The following NLRC3 variants were observed in gnomAD, a reference collection of about 807,000 sequenced individuals.
The protein encoded by NLRC3 is NLR family CARD domain containing 3.
NLRC3 carries 87 observed loss-of-function variants against 91.6 expected under a neutral mutation model. The observed-to-expected ratio is 0.95, with a 90% confidence interval of 0.80 to 1.14. The LOEUF (loss-of-function observed/expected upper bound fraction) is 1.14. Ranked by LOEUF, NLRC3 falls within the 50% of genes most tolerant of loss-of-function variation. The pLI is 0.00. For missense variants in NLRC3, 1,577 were observed against 1,418.6 expected (o/e 1.11, Z -1.79); for synonymous variants, 694 against 625.3 (o/e 1.11, Z -1.64).
intron 9 of NLRC3, among the ~76,000 whole-genome samples, chr16:3,553,318 T>G (rs529283890): frequency 6.6e-6 from 1 of 152,314 alleles, no homozygotes; most frequent in African/African-American, 2.4e-5. Flanking sequence ...TTTGGAGCCA[T>G]CTCTTTGAAA....
At chr16:3,551,721 GTTCA>G (rs1431943424) in intron 10 of NLRC3, among the ~76,000 whole-genome samples, 1 of 93,540 alleles carries the variant, frequency 1.1e-5, no homozygotes, top group Non-Finnish European at 2.0e-5. Context: ...TCATCTACTC[GTTCA>G]TTCAACCATC....
Position 3,564,761 on chromosome 16 carries a change from G to A in NLRC3, c.179-3C>T, listed in dbSNP as rs2039798791. 1.3e-6 allele frequency: 2 copies of A among 1,573,554 alleles called. No individual in the cohort carries two copies. Among genetic ancestry groups the A allele is most frequent in the African/African-American group, 2.7e-5 (2 of 74,456 alleles). ...GCGGTGCCTCTGTATCCTTGAGTCT[G>A]CGGGACAGAGGCCAGTGGGGAGGTC... On this transcript the variant is annotated splice_polypyrimidine_tract_variant and splice_region_variant and intron_variant, in intron 4 of 19. Coordinates refer to ENST00000359128, the MANE Select transcript of NLRC3 (RefSeq NM_178844.4). The surrounding 1 kb of genome is among the most constrained non-coding windows in gnomAD (Gnocchi z 5.9).
intron 5 of NLRC3, 78 bp from the exon 6 acceptor site, chr16:3,561,866 C>T (rs892132750): frequency 1.2e-5 from 11 of 954,166 alleles, no homozygotes; most frequent in Non-Finnish European, 1.5e-5. Context: ...GGGCCTCTGC[C>T]TCTCTCCATC....
intron 11 of NLRC3, among the ~76,000 whole-genome samples, 200 bp from the exon 12 acceptor site, chr16:3,549,980 T>G (rs1232648860): frequency 1.3e-5 from 2 of 152,032 alleles, no homozygotes; most frequent in African/African-American, 4.8e-5. Flanking sequence ...TCAGGGCAGG[T>G]GGGTTCAGCA....
intron 1 of NLRC3, among the ~76,000 whole-genome samples, chr16:3,568,398 T>C (rs183312983): frequency 6.6e-6 from 1 of 152,248 alleles, no homozygotes; most frequent in Admixed American, 6.5e-5. Context: ...TCTTTTATTC[T>C]TCTAAATGTC....
At position 3,564,990 on chromosome 16, in the gene NLRC3, T is replaced by C. The variant is rs753192126; in HGVS notation, c.47A>G (p.His16Arg). Residue 16 changes from histidine to arginine, a missense_variant, in exon 4 of 20, where the codon CAC becomes CGC. By Grantham distance (29) the His-to-Arg change is conservative. Coordinates refer to ENST00000359128, the MANE Select transcript of NLRC3 (RefSeq NM_178844.4). The surrounding 1 kb of genome is among the most constrained non-coding windows in gnomAD (Gnocchi z 5.9). ...VRTGREAGQG[H>R]GTGSPAEQVK... ...CTGCTCGGCTGGGGAGCCCGTACCG[T>C]GGCCCTGGCCGGCCTCCCTGCCCGT... 8 of 1,610,526 alleles carry C rather than the reference T, an allele frequency of 5.0e-6. No individual in the cohort carries two copies. The highest frequency in any genetic ancestry group is 6.8e-6 in the Non-Finnish European group (8 of 1,179,726).
In NLRC3 at chr16:3,567,771, C is replaced by CAAAAA. The variant is rs774868671; in HGVS notation, c.-168-452_-168-448dup. ...TGGGCAACAGAGCGAGACTCCATCT[C>CAAAAA]AAAAAAAAAAAAAAAAAAAAAAGCT... On this transcript the variant is annotated intron_variant, in intron 1 of 19. Transcript: ENST00000359128. Among the ~76,000 whole-genome samples the CAAAAA allele has an allele frequency of 1.5e-3, 58 of 38,504 alleles. 4 individuals are homozygous for CAAAAA. The highest frequency in any genetic ancestry group is 4.4e-3 in the African/African-American group (45 of 10,230). The allele number at this position is 38,504 out of a possible 152,430, so 25.3% of individuals were successfully genotyped here.
Position 3,563,783 on chromosome 16 carries a change from C to G in NLRC3, c.1154G>C (p.Arg385Pro), listed in dbSNP as rs200982705. The change falls in exon 5 of 20, where the codon CGC (arginine) becomes CCC (proline). Residue 385 changes from arginine (R) to proline (P), a missense_variant. Transcript: ENST00000359128. ...EGQEKGKASP[R>P]IEQVAHGGRK... The stretch of plus-strand genomic sequence containing the variant: ...GCCACCATGGGCCACCTGCTCGATG[C>G]GAGGGCTTGCCTTGCCCTTCTCCTG... 1 of 1,612,408 alleles carries G rather than the reference C, an allele frequency of 6.2e-7. No individual in the cohort carries two copies. Among genetic ancestry groups the G allele is most frequent in the Admixed American group, 1.7e-5 (1 of 59,948 alleles).
chr16:3,556,104 A>G (rs1463767895), intron 8 of NLRC3, among the ~76,000 whole-genome samples: 2 of 150,410 alleles, frequency 1.3e-5, no homozygotes, highest in Non-Finnish European at 3.0e-5. Context: ...CAAGGCAGGC[A>G]GATGGCTTGA....
rs748639792 is a variant in NLRC3 at position 3,541,810 on chromosome 16, A to C, written c.*15T>G. ...AGCTGAGCATCTGCCCATTCTCCTG[A>C]TCCGTCCACCAGGATCACATTTCAA... On this transcript the variant is annotated 3_prime_UTR_variant, in exon 20 of 20. Transcript: ENST00000359128. 6 of 1,567,766 alleles carry C rather than the reference A, an allele frequency of 3.8e-6. No homozygotes were observed. Among genetic ancestry groups the C allele is most frequent in the Non-Finnish European group, 5.3e-6 (6 of 1,139,792 alleles).
rs773187407 is a variant in NLRC3 at position 3,543,401 on chromosome 16, A to G, written c.2939+24T>C. The G allele has an allele frequency of 5.2e-6, 8 of 1,540,032 alleles. No homozygotes were observed. In the Admixed American group the frequency reaches 8.6e-5, roughly 17 times the overall value. Reference sequence around the variant, plus strand: ...CATTGATTTCTTTGGGCTAAAGACCATAGATGGAGACTGGAATACTTACTC... The same window carrying G: ...CATTGATTTCTTTGGGCTAAAGACCGTAGATGGAGACTGGAATACTTACTC... On this transcript the variant is annotated intron_variant, in intron 17 of 19. Coordinates refer to ENST00000359128, the MANE Select transcript of NLRC3 (RefSeq NM_178844.4).
At position 3,577,212 on chromosome 16, in the gene NLRC3, A is replaced by G. The variant is rs551186253; in HGVS notation, c.-232T>C. 4.3e-6 allele frequency: 3 copies of G among 702,878 alleles called. No individual in the cohort carries two copies. Among genetic ancestry groups the G allele is most frequent in the Admixed American group, 2.0e-5 (1 of 49,996 alleles). The allele number at this position is 702,878 out of a possible 1,614,324, so 43.5% of individuals were successfully genotyped here. A position where few individuals can be genotyped will look rare whatever the true frequency, so the allele number is the denominator to read the frequency against. On this transcript the variant is annotated 5_prime_UTR_variant, in exon 1 of 20. An upstream start codon of the reference 5' UTR is lost. Transcript: ENST00000359128. The stretch of plus-strand genomic sequence containing the variant: ...GGGGGGCCTGGGGGCGTCCATCTCC[A>G]TGCTCCTGGGCTCAGCCCTGCTCCA...
chr16:3,567,771 C>CAAAAAA (rs774868671), intron 1 of NLRC3, among the ~76,000 whole-genome samples: 4 of 38,520 alleles, frequency 1.0e-4, no homozygotes, highest in African/African-American at 2.0e-4. Context: ...GACTCCATCT[C>CAAAAAA]AAAAAAAAAA....
At chr16:3,541,971 C>T in intron 19 of NLRC3, 56 bp from the exon 20 acceptor site, 2 of 1,042,152 alleles carry the variant, frequency 1.9e-6, no homozygotes, top group South Asian at 1.3e-5. Flanking sequence ...TTTAGTAGAG[C>T]AGGCCATACA....
rs117256585 is a variant in NLRC3, at chr16:3,562,343, A to G, written c.1929-555T>C. On this transcript the variant is annotated intron_variant, in intron 5 of 19. Transcript: ENST00000359128. ...TAATCCAGTGTGACAGTGTCTTTTT[A>G]AGACAAGAAAGCACTGGCCAGGTGC... Among the ~76,000 whole-genome samples the G allele has an allele frequency of 2.8e-3, 431 of 152,210 alleles. 3 individuals carry two copies. In the East Asian group the frequency reaches 0.046, roughly 16 times the overall value.
chr16:3,571,792 T>G (rs2040106540), intron 1 of NLRC3, among the ~76,000 whole-genome samples: 1 of 150,998 alleles, frequency 6.6e-6, no homozygotes, highest in African/African-American at 2.4e-5. Context: ...ATACAAAAAT[T>G]AGCTGGGCGT....
intron 9 of NLRC3, 50 bp from the exon 10 acceptor site, chr16:3,552,329 C>A: frequency 7.4e-7 from 1 of 1,357,714 alleles, no homozygotes. Context: ...CACAGCCATT[C>A]CCAGGCCAAG....
intron 2 of NLRC3, among the ~76,000 whole-genome samples, 157 bp downstream of exon 2, chr16:3,567,086 G>A (rs1286841233): frequency 2.6e-5 from 4 of 152,194 alleles, no homozygotes; most frequent in African/African-American, 9.7e-5. Flanking sequence ...TGGGGATTGT[G>A]ATGCAGAGAT....
chr16:3,564,720 T>C lies in NLRC3; in HGVS notation c.217A>G (p.Lys73Glu), dbSNP rs1201015146. The change falls in exon 5 of 20, where the codon AAG (lysine) becomes GAG (glutamate). Residue 73 changes from lysine (K) to glutamate (E), a missense_variant. Physicochemically the swap from Lys to Glu is moderately conservative, Grantham distance 56. Transcript: ENST00000359128. This position sits in a 1 kb window ranked among gnomAD's most constrained non-coding sequence, Gnocchi z 5.9. ...CCCAGCTCCGGGCCACCTCCCACCT[T>C]GCTCAGCAGGGCCTTGCGGTGCCTC... ...IQRHRKALLS[K>E]VGGGPELGGP... The C allele has an allele frequency of 6.3e-7, 1 of 1,594,918 alleles. No homozygotes were observed. The highest frequency in any genetic ancestry group is 1.7e-5 in the Admixed American group (1 of 59,016).
Sources: gnomAD v4.1 joint callset for allele counts (sites outside exome capture counted in the v4.1 genomes callset) on GRCh38, gnomAD v4.1.1 for gene constraint, Gnocchi (gnomAD v3.1) non-coding constraint, MANE v1.5 for transcripts, NCBI Gene and HGNC (gene_info 2026-07-23, HGNC 2026-07-21) for gene names.